DIRAS2: variants seen among roughly 807,000 people sequenced by gnomAD.
The protein encoded by DIRAS2 is DIRAS family GTPase 2.
In DIRAS2, 5 loss-of-function variants were observed where a neutral mutation model predicts 13.9. The ratio of observed to expected loss-of-function variants is 0.36; its 90% CI spans 0.19 to 0.76. The LOEUF (loss-of-function observed/expected upper bound fraction) is 0.76. Among genes scored for constraint, DIRAS2 ranks in the 30% least tolerant of loss-of-function variants. The probability of loss-of-function intolerance (pLI) is 0.53; values close to 1 mark genes in which losing one functional copy is unlikely to be tolerated. For missense variants in DIRAS2, 191 were observed against 263.0 expected (o/e 0.73, Z 1.89); for synonymous variants, 111 against 105.4 (o/e 1.05, Z -0.33).
chr9:90,617,094 T>G (rs559195044), intron 1 of DIRAS2, among the ~76,000 whole-genome samples: 10 of 152,268 alleles, frequency 6.6e-5, no homozygotes, highest in Admixed American at 5.9e-4. Flanking sequence ...ATGGAGGAAA[T>G]AGAGCTAATG....
intron 1 of DIRAS2, among the ~76,000 whole-genome samples, chr9:90,619,430 C>T (rs558924164): frequency 2.4e-4 from 37 of 152,004 alleles, no homozygotes; most frequent in East Asian, 1.9e-3. Flanking sequence ...GTGACAAGAG[C>T]GAAACTCCGT....
At chr9:90,617,029 G>A (rs1016924139) in intron 1 of DIRAS2, among the ~76,000 whole-genome samples, 4 of 152,218 alleles carry the variant, frequency 2.6e-5, no homozygotes, top group African/African-American at 7.2e-5. Context: ...TTGCCAGATG[G>A]TGAAGTGATG....
chr9:90,622,772 G>C (rs1460957000), intron 1 of DIRAS2, among the ~76,000 whole-genome samples: 2 of 152,194 alleles, frequency 1.3e-5, no homozygotes, highest in Admixed American at 1.3e-4. Context: ...GGAAGAGTTA[G>C]AGTTTTCTCT....
rs1327052001 is a variant in DIRAS2, at chr9:90,612,901, C to T, written c.*327G>A. 1.2e-5 allele frequency: 4 copies of T among 339,418 alleles called. No homozygotes were observed. The highest frequency in any genetic ancestry group is 1.7e-5 in the Non-Finnish European group (3 of 179,834). The allele number at this position is 339,418 out of a possible 1,614,324, so 21.0% of individuals were successfully genotyped here. A position where few individuals can be genotyped will look rare whatever the true frequency, so the allele number is the denominator to read the frequency against. On this transcript the variant is annotated 3_prime_UTR_variant, in exon 2 of 2. Coordinates refer to ENST00000375765, the MANE Select transcript of DIRAS2 (RefSeq NM_017594.5). ...GCACGTAGATGACATTTAGTCCTCT[C>T]GGTACATGTTGCTTTGTGGGTACCA... is the stretch of plus-strand genomic sequence containing the variant.
At chr9:90,638,150 C>T (rs1013192251) in intron 1 of DIRAS2, among the ~76,000 whole-genome samples, 10 of 152,126 alleles carry the variant, frequency 6.6e-5, no homozygotes, top group Admixed American at 2.6e-4. Context: ...ATATTTACCT[C>T]TTCGTTTTTT....
chr9:90,635,572 G>A (rs1044687165), intron 1 of DIRAS2, among the ~76,000 whole-genome samples: 2 of 152,202 alleles, frequency 1.3e-5, no homozygotes, highest in African/African-American at 4.8e-5. Context: ...ACTACACCAC[G>A]AGGTCAAGAA....
rs1223846708 is a variant in DIRAS2 at position 90,610,882 on chromosome 9, C to T, written c.*2346G>A. 1 of 153,538 alleles carries T rather than the reference C, an allele frequency of 6.5e-6. No individual in the cohort carries two copies. Among genetic ancestry groups the T allele is most frequent in the Non-Finnish European group, 1.4e-5 (1 of 69,050 alleles). The allele number at this position is 153,538 out of a possible 1,614,324, so 9.5% of individuals were successfully genotyped here. A position where few individuals can be genotyped will look rare whatever the true frequency, so the allele number is the denominator to read the frequency against. On this transcript the variant is annotated 3_prime_UTR_variant, in exon 2 of 2. Transcript: ENST00000375765. Reference sequence around the variant, plus strand: ...ACAAACTTCTCATGCTGATGAAGCCCTGAACACTTAAACATGTAGAAACTG... The same window carrying T: ...ACAAACTTCTCATGCTGATGAAGCCTTGAACACTTAAACATGTAGAAACTG...
At chr9:90,637,403 A>G (rs1222797200) in intron 1 of DIRAS2, among the ~76,000 whole-genome samples, 1 of 152,184 alleles carries the variant, frequency 6.6e-6, no homozygotes, top group Admixed American at 6.5e-5. Flanking sequence ...CTGTAGAGAA[A>G]ACTCCTGTAA....
intron 1 of DIRAS2, among the ~76,000 whole-genome samples, chr9:90,616,825 T>G (rs964098873): frequency 6.6e-6 from 1 of 152,114 alleles, no homozygotes; most frequent in Non-Finnish European, 1.5e-5. Context: ...AAATGTCTTC[T>G]AGATACTGTG....
At chr9:90,641,954 A>G (rs148916552) in intron 1 of DIRAS2, among the ~76,000 whole-genome samples, 32 of 152,354 alleles carry the variant, frequency 2.1e-4, no homozygotes, top group Middle Eastern at 3.4e-3. Context: ...ACAATGTTGT[A>G]TTCCAGCATT....
rs1419757449 is a variant in DIRAS2 at position 90,612,695 on chromosome 9, C to A, written c.*533G>T. Reference sequence around the variant, plus strand: ...GCCAGGTGGGAATTAAGAACGGACACCCTTTGGGGGAGAGGCTGTGTTTTT... The same window carrying A: ...GCCAGGTGGGAATTAAGAACGGACAACCTTTGGGGGAGAGGCTGTGTTTTT... On this transcript the variant is annotated 3_prime_UTR_variant, in exon 2 of 2. Coordinates refer to ENST00000375765, the MANE Select transcript of DIRAS2 (RefSeq NM_017594.5). 1 of 158,648 alleles carries A rather than the reference C, an allele frequency of 6.3e-6. No individual in the cohort carries two copies. The highest frequency in any genetic ancestry group is 1.4e-5 in the Non-Finnish European group (1 of 71,880). 9.8% of individuals were successfully genotyped at this position (158,648 alleles called of 1,614,324 possible).
rs1322302173 is a variant in DIRAS2, at chr9:90,613,794, C to G, written c.34G>C (p.Val12Leu). Reference protein sequence around the residue: ...PEQSNDYRVAVFGAGGVGKSS... With the variant: ...PEQSNDYRVALFGAGGVGKSS... Reference sequence around the variant, plus strand: ...TTGCCAACACCGCCAGCCCCAAACACGGCCACCCGGTAATCGTTACTCTGC... The same window carrying G: ...TTGCCAACACCGCCAGCCCCAAACAGGGCCACCCGGTAATCGTTACTCTGC... Residue 12 changes from valine to leucine, a missense_variant, in exon 2 of 2, where the codon GTG (valine) becomes CTG (leucine). Val to Leu is a conservative substitution (Grantham distance 32). Transcript: ENST00000375765. The surrounding 1 kb of genome is among the most constrained non-coding windows in gnomAD (Gnocchi z 5.6). 1.9e-6 allele frequency: 3 copies of G among 1,613,756 alleles called. No homozygotes were observed. Among genetic ancestry groups the G allele is most frequent in the Non-Finnish European group, 2.5e-6 (3 of 1,179,876 alleles).
intron 1 of DIRAS2, among the ~76,000 whole-genome samples, chr9:90,614,958 T>C (rs569074442): frequency 1.3e-5 from 2 of 152,334 alleles, no homozygotes; most frequent in African/African-American, 4.8e-5. Flanking sequence ...GAAGGACATA[T>C]AACACCAAAC....
intron 1 of DIRAS2, among the ~76,000 whole-genome samples, chr9:90,628,408 G>T (rs893829692): frequency 2.0e-5 from 3 of 152,154 alleles, no homozygotes; most frequent in African/African-American, 7.2e-5. Flanking sequence ...GCCACCCACA[G>T]CTGTGATCAT....
intron 1 of DIRAS2, among the ~76,000 whole-genome samples, chr9:90,626,510 C>T (rs752809352): frequency 4.7e-5 from 7 of 149,706 alleles, no homozygotes; most frequent in Non-Finnish European, 7.4e-5. Flanking sequence ...AAATGGCCAA[C>T]AAGCACATAA....
chr9:90,616,736 CAAAAAAAAA>C (rs11422558), intron 1 of DIRAS2, among the ~76,000 whole-genome samples: 152 of 88,506 alleles, frequency 1.7e-3, no homozygotes, highest in Non-Finnish European at 2.7e-3. Flanking sequence ...GACTCCATCA[CAAAAAAAAA>C]AAAAAAAAAA....
intron 1 of DIRAS2, among the ~76,000 whole-genome samples, chr9:90,638,815 T>G (rs894914411): frequency 2.0e-5 from 3 of 152,202 alleles, no homozygotes; most frequent in Non-Finnish European, 4.4e-5. Context: ...ACCTGGATTC[T>G]GATCACTTTT....
At position 90,614,306 on chromosome 9, in the gene DIRAS2, A is replaced by ATGTGTGTGTGTG. The variant is rs34548591; in HGVS notation, c.-36-455_-36-444dup. Among the ~76,000 whole-genome samples the ATGTGTGTGTGTG allele has an allele frequency of 2.8e-3, 379 of 134,902 alleles. 1 individual carries two copies. Among genetic ancestry groups the ATGTGTGTGTGTG allele is most frequent in the Non-Finnish European group, 4.6e-3 (287 of 62,802 alleles). 88.5% of individuals were successfully genotyped at this position (134,902 alleles called of 152,430 possible). A position where few individuals can be genotyped will look rare whatever the true frequency, so the allele number is the denominator to read the frequency against. ...AGTACCCAATATACTGGTCATCATAATGTGTGTGTGTGTGTGTGTGTGTGT... is the reference window on the plus strand; with the variant it reads ...AGTACCCAATATACTGGTCATCATAATGTGTGTGTGTGTGTGTGTGTGTGTGTGTGTGTGTGT... On this transcript the variant is annotated intron_variant, in intron 1 of 1. Transcript: ENST00000375765.
chr9:90,612,756 G>A lies in DIRAS2; in HGVS notation c.*472C>T, dbSNP rs141479915. 49 of 164,524 alleles carry A rather than the reference G, an allele frequency of 3.0e-4. No homozygotes were observed. The highest frequency in any genetic ancestry group is 2.7e-3 in the Admixed American group (47 of 17,670). The allele number at this position is 164,524 out of a possible 1,614,324, so 10.2% of individuals were successfully genotyped here. On this transcript the variant is annotated 3_prime_UTR_variant, in exon 2 of 2. Coordinates refer to ENST00000375765, the MANE Select transcript of DIRAS2 (RefSeq NM_017594.5). ...TAAAAAAGTGTAAAATGGACCAAGT[G>A]TGGTCCACTTTGGACCATCTGATCT...
Sources: gnomAD v4.1 joint callset for allele counts (sites outside exome capture counted in the v4.1 genomes callset) on GRCh38, gnomAD v4.1.1 for gene constraint, Gnocchi (gnomAD v3.1) non-coding constraint, MANE v1.5 for transcripts, NCBI Gene and HGNC (gene_info 2026-07-23, HGNC 2026-07-21) for gene names.